SFI1: variants seen among roughly 807,000 people sequenced by gnomAD.
SFI1 encodes the protein SFI1 centrin binding protein, also known as protein SFI1 homolog.
SFI1 carries 195 observed loss-of-function variants against 207.5 expected under a neutral mutation model. That is an observed-to-expected ratio of 0.94 (90% CI 0.84 to 1.06). The LOEUF (loss-of-function observed/expected upper bound fraction) is 1.06. SFI1 is among the 50% of genes least tolerant of loss of function. The pLI, the probability that SFI1 is intolerant of heterozygous loss-of-function variation, is 0.00. For synonymous variants in SFI1, 630 were observed against 598.9 expected, an observed-to-expected ratio of 1.05 and a Z score of -0.76; for missense variants, 1,634 against 1,588.0, an observed-to-expected ratio of 1.03 and a Z score of -0.49.
intron 11 of SFI1, among the ~76,000 whole-genome samples, chr22:31,579,787 A>G (rs964411454): frequency 2.0e-5 from 3 of 152,136 alleles, no homozygotes; most frequent in Non-Finnish European, 2.9e-5. Context: ...ATCCAGGTCC[A>G]TCCTGGCCCA....
chr22:31,578,579 C>A, intron 11 of SFI1, 127 bp downstream of exon 11: 1 of 729,482 alleles, frequency 1.4e-6, no homozygotes, highest in Non-Finnish European at 2.1e-6. Context: ...GGTCATGAAG[C>A]CCTCCTTTCA....
At chr22:31,550,582 G>T in intron 6 of SFI1, 1 of 423,930 alleles carries the variant, frequency 2.4e-6, no homozygotes, top group Non-Finnish European at 4.3e-6. Context: ...CATTTAATCA[G>T]AATTTGTGTG....
At position 31,506,190 on chromosome 22, in the gene SFI1, G is replaced by A. The variant is rs903714134; in HGVS notation, c.-30-2065G>A. Among the ~76,000 whole-genome samples, 4 of 151,840 alleles carry A rather than the reference G, an allele frequency of 2.6e-5. 1 individual carries two copies. The highest frequency in any genetic ancestry group is 5.9e-5 in the Non-Finnish European group (4 of 67,984). ...AGCCTCCTGAGTAGCTGGGATTGCA[G>A]GTGCCCACCACCATGCCTGGCTCAT... On this transcript the variant is annotated intron_variant, in intron 1 of 32. Transcript: ENST00000400288.
At chr22:31,570,149 T>TAAAA in intron 8 of SFI1, among the ~76,000 whole-genome samples, 1 of 151,520 alleles carries the variant, frequency 6.6e-6, no homozygotes, top group African/African-American at 2.4e-5. Flanking sequence ...AATAAATAAA[T>TAAAA]AAATCAGAGA....
At chr22:31,574,703 C>T (rs1187153003) in intron 9 of SFI1, among the ~76,000 whole-genome samples, 3 of 152,182 alleles carry the variant, frequency 2.0e-5, no homozygotes, top group Non-Finnish European at 4.4e-5. Flanking sequence ...GACCTTTTCT[C>T]TTTCCTTGGA....
chr22:31,532,858 C>T (rs1186423194), intron 4 of SFI1, among the ~76,000 whole-genome samples: 1 of 152,150 alleles, frequency 6.6e-6, no homozygotes, highest in Admixed American at 6.6e-5. Flanking sequence ...GGTCTCAAAC[C>T]GGCCTCCCCA....
In SFI1 at chr22:31,613,687, C is replaced by G; in HGVS notation, c.2828C>G (p.Pro943Arg). 6.2e-7 allele frequency: 1 copy of G among 1,611,548 alleles called. No individual in the cohort carries two copies. The highest frequency in any genetic ancestry group is 1.3e-5 in the African/African-American group (1 of 75,050). Residue 943 changes from proline to arginine, a missense_variant, in exon 27 of 33, where the codon CCC (proline) becomes CGC (arginine). Coordinates refer to ENST00000400288, the MANE Select transcript of SFI1 (RefSeq NM_001007467.3). ...KVLGRGGKPQPLAAIAPSRKV... is the reference protein window; with the variant it reads ...KVLGRGGKPQRLAAIAPSRKV... ...CTGGGCCGGGGCGGGAAGCCTCAGC[C>G]CCTGGCAGCCATCGCACCCAGCAGG...
intron 2 of SFI1, among the ~76,000 whole-genome samples, chr22:31,525,017 C>T (rs1325426892): frequency 2.6e-5 from 4 of 152,028 alleles, no homozygotes; most frequent in Admixed American, 1.3e-4. Context: ...TGGTCTTGAA[C>T]TCCTGACCTC....
chr22:31,591,786 C>CA (rs2065988303), intron 15 of SFI1, among the ~76,000 whole-genome samples: 1 of 70,616 alleles, frequency 1.4e-5, no homozygotes, highest in Non-Finnish European at 2.7e-5. Flanking sequence ...CTGACCCCCC[C>CA]CACCTCCCTC....
chr22:31,565,112 C>T (rs549300340), intron 8 of SFI1, among the ~76,000 whole-genome samples: 28 of 152,028 alleles, frequency 1.8e-4, no homozygotes, highest in African/African-American at 6.3e-4. Context: ...CGTGAGCCAC[C>T]GTGCCCGGCC....
chr22:31,598,900 T>A (rs1303348479), intron 15 of SFI1, among the ~76,000 whole-genome samples: 2 of 141,386 alleles, frequency 1.4e-5, no homozygotes, highest in African/African-American at 2.6e-5. Context: ...TTCAAGCAAC[T>A]CTCCTGCCTC....
At chr22:31,556,025 C>T (rs2061126168) in intron 6 of SFI1, among the ~76,000 whole-genome samples, 1 of 151,916 alleles carries the variant, frequency 6.6e-6, no homozygotes, top group African/African-American at 2.4e-5. Flanking sequence ...TTAGTGGTGA[C>T]TTTCATAATG....
At chr22:31,606,215 GGTGTAGA>G in intron 20 of SFI1, 106 bp from the exon 21 acceptor site, 1 of 881,588 alleles carries the variant, frequency 1.1e-6, no homozygotes, top group Admixed American at 2.0e-5. Flanking sequence ...GACATTCTTA[GGTGTAGA>G]GTCCCTGACT....
intron 6 of SFI1, among the ~76,000 whole-genome samples, chr22:31,552,430 T>A (rs1450243481): frequency 1.3e-5 from 2 of 152,138 alleles, no homozygotes; most frequent in Non-Finnish European, 2.9e-5. Flanking sequence ...TTTTTGTATT[T>A]TTAGTAGAGA....
At chr22:31,523,836 T>C (rs1052889310) in intron 2 of SFI1, among the ~76,000 whole-genome samples, 3 of 152,186 alleles carry the variant, frequency 2.0e-5, no homozygotes, top group African/African-American at 7.2e-5. Flanking sequence ...CTTGATATAT[T>C]TCTACTATTC....
At chr22:31,570,647 A>G (rs2062852998) in intron 8 of SFI1, among the ~76,000 whole-genome samples, 1 of 152,146 alleles carries the variant, frequency 6.6e-6, no homozygotes, top group Non-Finnish European at 1.5e-5. Flanking sequence ...ATGCCTGTAA[A>G]TCCCAACACT....
At chr22:31,599,535 T>C (rs982711498) in intron 15 of SFI1, among the ~76,000 whole-genome samples, 1 of 152,176 alleles carries the variant, frequency 6.6e-6, no homozygotes, top group Non-Finnish European at 1.5e-5. Flanking sequence ...CCATGTTGGG[T>C]TGGCCAGGAT....
At chr22:31,573,974 A>G (rs2063216046) in intron 9 of SFI1, among the ~76,000 whole-genome samples, 2 of 152,116 alleles carry the variant, frequency 1.3e-5, no homozygotes, top group Admixed American at 6.5e-5. Context: ...AGATATTTGG[A>G]TAGTTTCTGT....
intron 8 of SFI1, among the ~76,000 whole-genome samples, chr22:31,568,165 A>ATGTGTGTG (rs751455847): frequency 3.4e-5 from 4 of 119,036 alleles, no homozygotes; most frequent in African/African-American, 1.3e-4. Context: ...CTATATATAT[A>ATGTGTGTG]TGTGTGTGTG....
Sources: gnomAD v4.1 joint callset for allele counts (sites outside exome capture counted in the v4.1 genomes callset) on GRCh38, gnomAD v4.1.1 for gene constraint, MANE v1.5 for transcripts, NCBI Gene and HGNC (gene_info 2026-07-23, HGNC 2026-07-21) for gene names.